TRIM72: variants seen among roughly 807,000 people sequenced by gnomAD.
TRIM72 encodes tripartite motif containing 72, also known as tripartite motif-containing protein 72.
A neutral mutation model predicts 31.6 loss-of-function variants in TRIM72; 33 were observed. The observed-to-expected ratio is 1.04, with a 90% CI of 0.79 to 1.40. The LOEUF is 1.40. TRIM72 is among the 40% of genes most tolerant of loss of function. TRIM72 has a pLI of 0.00. For synonymous variants in TRIM72, 301 were observed against 314.4 expected, an observed-to-expected ratio of 0.96 and a Z score of 0.45; for missense variants, 666 against 682.7, an observed-to-expected ratio of 0.98 and a Z score of 0.27.
In TRIM72 at chr16:31,226,556, G is replaced by A. The variant is rs1279466966; in HGVS notation, c.*1801G>A. On this transcript the variant is annotated 3_prime_UTR_variant, in exon 7 of 7. Transcript: ENST00000322122. ...ATGTTTATCGAGCGTCTTGAACGTT[G>A]AGGAAGCCAGCCAAGAGAAAGAGCC... 1 of 152,242 alleles carries A rather than the reference G, an allele frequency of 6.6e-6. No homozygotes were observed. The highest frequency in any genetic ancestry group is 1.5e-5 in the Non-Finnish European group (1 of 68,068). The allele number at this position is 152,242 out of a possible 1,614,324, so 9.4% of individuals were successfully genotyped here.
rs902522185 is a variant in TRIM72 at position 31,216,456 on chromosome 16, A to C, written c.390+1328A>C. The C allele has an allele frequency of 7.6e-6, 3 of 392,358 alleles. No homozygotes were observed. The highest frequency in any genetic ancestry group is 2.1e-5 in the African/African-American group (1 of 48,308). The allele number at this position is 392,358 out of a possible 1,614,324, so 24.3% of individuals were successfully genotyped here. ...AACAAAAAACAAACAAACAAAAAAA[A>C]CCCAACCTCGCCCAACCTTGCCCGT... is the stretch of plus-strand genomic sequence containing the variant. On this transcript the variant is annotated intron_variant, in intron 2 of 6. Transcript: ENST00000322122. The surrounding 1 kb of genome is among the most constrained non-coding windows in gnomAD (Gnocchi z 6.7).
rs2079552118 is a variant in TRIM72 at position 31,225,400 on chromosome 16, G to C, written c.*645G>C. 6.6e-6 allele frequency: 1 copy of C among 151,770 alleles called. No individual in the cohort carries two copies. Among genetic ancestry groups the C allele is most frequent in the South Asian group, 2.1e-4 (1 of 4,816 alleles). The allele number at this position is 151,770 out of a possible 1,614,324, so 9.4% of individuals were successfully genotyped here. On this transcript the variant is annotated 3_prime_UTR_variant, in exon 7 of 7. Transcript: ENST00000322122. ...CAGGGCCAGGTTGGGGGATTGATGG[G>C]AGGAGCTTGAGAACCTGTAGATAAG...
chr16:31,224,251 C>G lies in TRIM72; in HGVS notation c.930C>G (p.Arg310=). The stretch of plus-strand genomic sequence containing the variant: ...TGGTGGTGTCTTCCTCTGGCCGCCG[C>G]GTGGAGTGCTCGGAGCAGAAGGCGC... ...PSLVVSSSGR[R]VECSEQKAPP... is the part of the protein sequence containing the mutation. Residue 310 remains arginine, a synonymous_variant, in exon 7 of 7, where the codon CGC becomes CGG. Transcript: ENST00000322122. 6.2e-7 allele frequency: 1 copy of G among 1,605,196 alleles called. No individual in the cohort carries two copies. Among genetic ancestry groups the G allele is most frequent in the Non-Finnish European group, 8.5e-7 (1 of 1,179,782 alleles).
chr16:31,220,012 C>T (rs1289692862), intron 4 of TRIM72, among the ~76,000 whole-genome samples: 1 of 151,980 alleles, frequency 6.6e-6, no homozygotes, highest in Non-Finnish European at 1.5e-5. Flanking sequence ...ATCCACCTGC[C>T]TTAGCCTCCC....
chr16:31,216,809 G>T lies in TRIM72; in HGVS notation c.390+1681G>T. The stretch of plus-strand genomic sequence containing the variant: ...GCCTCCTCCAACATGCGCATGTCGC[G>T]CAGCACGGCCACGACGAGCTCGGCT... On this transcript the variant is annotated intron_variant, in intron 2 of 6. Coordinates refer to ENST00000322122, the MANE Select transcript of TRIM72 (RefSeq NM_001008274.4). The surrounding 1 kb of genome is among the most constrained non-coding windows in gnomAD (Gnocchi z 6.7). 1 of 1,611,696 alleles carries T rather than the reference G, an allele frequency of 6.2e-7. No individual in the cohort carries two copies. The highest frequency in any genetic ancestry group is 8.5e-7 in the Non-Finnish European group (1 of 1,178,422).
chr16:31,220,983 C>T, intron 5 of TRIM72, 65 bp downstream of exon 5: 2 of 1,599,734 alleles, frequency 1.3e-6, no homozygotes, highest in Non-Finnish European at 1.7e-6. Flanking sequence ...CACCAGCCGG[C>T]TCACTCTCCA....
At position 31,219,427 on chromosome 16, in the gene TRIM72, C is replaced by A. The variant is rs2079524213; in HGVS notation, c.625C>A (p.Leu209Met). 2.5e-6 allele frequency: 4 copies of A among 1,613,112 alleles called. No homozygotes were observed. Among genetic ancestry groups the A allele is most frequent in the African/African-American group, 1.3e-5 (1 of 74,872 alleles). Residue 209 changes from leucine (L) to methionine (M), a missense_variant, in exon 4 of 7, where the codon CTG becomes ATG. Physicochemically the swap from Leu to Met is conservative, Grantham distance 15 (BLOSUM62 2). Coordinates refer to ENST00000322122, the MANE Select transcript of TRIM72 (RefSeq NM_001008274.4). This position sits in a 1 kb window ranked among gnomAD's most constrained non-coding sequence, Gnocchi z 4.2. ...GEAGVALRRE[L>M]GSLNSYLEQL... Reference sequence around the variant, plus strand: ...GGCAGGGGTCGCCTTGCGCCGGGAGCTGGGGAGCCTGAACTCTTACCTGGA... The same window carrying A: ...GGCAGGGGTCGCCTTGCGCCGGGAGATGGGGAGCCTGAACTCTTACCTGGA...
In TRIM72 at chr16:31,216,317, G is replaced by A; in HGVS notation, c.390+1189G>A. 1 of 161,138 alleles carries A rather than the reference G, an allele frequency of 6.2e-6. No individual in the cohort carries two copies. Among genetic ancestry groups the A allele is most frequent in the Non-Finnish European group, 1.4e-5 (1 of 73,996 alleles). The allele number at this position is 161,138 out of a possible 1,614,324, so 10.0% of individuals were successfully genotyped here. A position where few individuals can be genotyped will look rare whatever the true frequency, so the allele number is the denominator to read the frequency against. ...TCCTCCCGGGACCCCTCCCATCCCA[G>A]CACACCTGTGCTTAAGACCCCAACC... On this transcript the variant is annotated intron_variant, in intron 2 of 6. Coordinates refer to ENST00000322122, the MANE Select transcript of TRIM72 (RefSeq NM_001008274.4). This position sits in a 1 kb window ranked among gnomAD's most constrained non-coding sequence, Gnocchi z 6.7.
chr16:31,223,254 C>T (rs144939097), intron 6 of TRIM72, among the ~76,000 whole-genome samples: 8 of 152,204 alleles, frequency 5.3e-5, no homozygotes, highest in East Asian at 3.9e-4. Context: ...CCTCTCTGGA[C>T]GGTGGAGATG....
chr16:31,214,993 CT>C lies in TRIM72; in HGVS notation c.256del (p.Cys86AlafsTer8), dbSNP rs1197574688. 6.7e-7 allele frequency: 1 copy of C among 1,499,082 alleles called. No individual in the cohort carries two copies. Among genetic ancestry groups the C allele is most frequent in the Non-Finnish European group, 8.8e-7 (1 of 1,131,890 alleles). The allele number at this position is 1,499,082 out of a possible 1,614,324, so 92.9% of individuals were successfully genotyped here. On this transcript the variant is annotated frameshift_variant, in exon 2 of 7. Coordinates refer to ENST00000322122, the MANE Select transcript of TRIM72 (RefSeq NM_001008274.4). LOFTEE classifies it high-confidence loss of function. ...GGCTGGCCCAGGTGCCGCAGGGCCA[CT>C]GCGAGGAGCACCTGGACCCGCTGAG... ...EGLAQVPQGH[C>X]EEHLDPLSIY...
At position 31,224,648 on chromosome 16, in the gene TRIM72, G is replaced by A. The variant is rs1253768290; in HGVS notation, c.1327G>A (p.Glu443Lys). The A allele has an allele frequency of 1.2e-5, 19 of 1,547,796 alleles. No individual in the cohort carries two copies. The Admixed American group carries it at 3.6e-4, about 29-fold the overall frequency. The stretch of plus-strand genomic sequence containing the variant: ...GCTCGTGCCGCTTTTTGCCTTCCAC[G>A]AGCGCCTGCCCAGGCCCGTGTACCC... ...DALVPLFAFH[E>K]RLPRPVYPFF... Residue 443 changes from glutamate to lysine, a missense_variant, in exon 7 of 7, where the codon GAG (glutamate) becomes AAG (lysine). Glu to Lys is a moderately conservative substitution (Grantham distance 56, BLOSUM62 1). Transcript: ENST00000322122.
Position 31,214,266 on chromosome 16 carries a change from ACT to A in TRIM72, c.-36_-35del, listed in dbSNP as rs2079496103. On this transcript the variant is annotated 5_prime_UTR_variant, in exon 1 of 7. Transcript: ENST00000322122. ...CAACCCTGACCGGTCCTCCTTCGAG[ACT>A]CTTTCAGCCTAAGATCTCCAACCAG... 1 of 154,810 alleles carries A rather than the reference ACT, an allele frequency of 6.5e-6. No homozygotes were observed. The highest frequency in any genetic ancestry group is 1.4e-5 in the Non-Finnish European group (1 of 70,322). The allele number at this position is 154,810 out of a possible 1,614,324, so 9.6% of individuals were successfully genotyped here. A position where few individuals can be genotyped will look rare whatever the true frequency, so the allele number is the denominator to read the frequency against.
rs2079549837 is a variant in TRIM72, at chr16:31,224,825, C to T, written c.*70C>T. 4.3e-6 allele frequency: 6 copies of T among 1,379,494 alleles called. No homozygotes were observed. In the African/African-American group the frequency reaches 6.0e-5, roughly 14 times the overall value. The allele number at this position is 1,379,494 out of a possible 1,614,324, so 85.5% of individuals were successfully genotyped here. A position where few individuals can be genotyped will look rare whatever the true frequency, so the allele number is the denominator to read the frequency against. On this transcript the variant is annotated 3_prime_UTR_variant, in exon 7 of 7. Coordinates refer to ENST00000322122, the MANE Select transcript of TRIM72 (RefSeq NM_001008274.4). ...CTTAGGTCTCCTTGGTCGGGTCTGA[C>T]GGGAGAAGGGTGGGGAGCGGGTTGC...
At chr16:31,220,997 A>G in intron 5 of TRIM72, 79 bp downstream of exon 5, 2 of 1,576,200 alleles carry the variant, frequency 1.3e-6, no homozygotes, top group Non-Finnish European at 1.7e-6. Context: ...CTCTCCACTC[A>G]CTATTGTGCC....
Position 31,219,774 on chromosome 16 carries a change from A to G in TRIM72, c.717+255A>G, listed in dbSNP as rs779140117. Among the ~76,000 whole-genome samples, 1 of 151,902 alleles carries G rather than the reference A, an allele frequency of 6.6e-6. No individual in the cohort carries two copies. Among genetic ancestry groups the G allele is most frequent in the Non-Finnish European group, 1.5e-5 (1 of 67,952 alleles). On this transcript the variant is annotated intron_variant, in intron 4 of 6. Transcript: ENST00000322122. This position sits in a 1 kb window ranked among gnomAD's most constrained non-coding sequence, Gnocchi z 4.2. ...TAGGACACTCTTATTTTTATTTTTT[A>G]TTTTTTGAGATGGAGTCTTACTCTG...
At chr16:31,220,843 T>G in intron 4 of TRIM72, 53 bp from the exon 5 acceptor site, 1 of 1,613,286 alleles carries the variant, frequency 6.2e-7, no homozygotes, top group South Asian at 1.1e-5. Flanking sequence ...CTCAAAAGTT[T>G]CCAGTGTCCC....
chr16:31,214,959 TG>T lies in TRIM72; in HGVS notation c.223del (p.Val75TrpfsTer19), dbSNP rs1243413649. 1.5e-5 allele frequency: 23 copies of T among 1,488,658 alleles called. No homozygotes were observed. The highest frequency in any genetic ancestry group is 2.2e-5 in the Admixed American group (1 of 44,500). The allele number at this position is 1,488,658 out of a possible 1,614,324, so 92.2% of individuals were successfully genotyped here. On this transcript the variant is annotated frameshift_variant, in exon 2 of 7. Coordinates refer to ENST00000322122, the MANE Select transcript of TRIM72 (RefSeq NM_001008274.4). LOFTEE classifies it high-confidence loss of function. ...AGCACCAACCTGCAGCTGGCGCGCC[TG>T]GTGGAGGGGCTGGCCCAGGTGCCGC... Reference protein sequence around the residue: ...ALSTNLQLARLVEGLAQVPQG... With the variant: ...ALSTNLQLARXVEGLAQVPQG...
chr16:31,217,671 G>A (rs2079516654), intron 2 of TRIM72, among the ~76,000 whole-genome samples: 1 of 150,158 alleles, frequency 6.7e-6, no homozygotes, highest in South Asian at 2.1e-4. Flanking sequence ...CTAGAGTGCA[G>A]TGGCACATTC....
rs754536847 is a variant in TRIM72, at chr16:31,222,852, C to G, written c.766C>G (p.Pro256Ala). Reference sequence around the variant, plus strand: ...GCTGCAGAAGATCCTGGCAGAGTCTCCCCCACCCGCCCGTCTGGACATCCA... The same window carrying G: ...GCTGCAGAAGATCCTGGCAGAGTCTGCCCCACCCGCCCGTCTGGACATCCA... ...SRLQKILAES[P>A]PPARLDIQLP... is the part of the protein sequence containing the mutation. Residue 256 changes from proline to alanine, a missense_variant, in exon 6 of 7, where the codon CCC becomes GCC. Transcript: ENST00000322122. 2 of 1,378,296 alleles carry G rather than the reference C, an allele frequency of 1.5e-6. No individual in the cohort carries two copies. The highest frequency in any genetic ancestry group is 1.9e-6 in the Non-Finnish European group (2 of 1,047,440). The allele number at this position is 1,378,296 out of a possible 1,614,324, so 85.4% of individuals were successfully genotyped here.
Sources: gnomAD v4.1 joint callset for allele counts (sites outside exome capture counted in the v4.1 genomes callset) on GRCh38, gnomAD v4.1.1 for gene constraint, Gnocchi (gnomAD v3.1) non-coding constraint, MANE v1.5 for transcripts, NCBI Gene and HGNC (gene_info 2026-07-23, HGNC 2026-07-21) for gene names.